Variants in GTF3C5 observed in about 807,000 individuals in gnomAD.
The protein encoded by GTF3C5 is general transcription factor 3C polypeptide 5.
A neutral mutation model predicts 61.0 loss-of-function variants in GTF3C5; 47 were observed. The observed-to-expected ratio is 0.77, with a 90% CI of 0.61 to 0.98. GTF3C5 has a LOEUF of 0.98. Ranked by LOEUF, GTF3C5 falls within the 50% of genes least tolerant of loss-of-function variation. The probability of loss-of-function intolerance (pLI) is 0.00; values close to 1 mark genes in which losing one functional copy is unlikely to be tolerated. For missense variants in GTF3C5, 659 were observed against 703.3 expected (o/e 0.94, Z 0.71); for synonymous variants, 295 against 275.4 (o/e 1.07, Z -0.71).
intron 3 of GTF3C5, among the ~76,000 whole-genome samples, chr9:133,050,297 G>A (rs547999517): frequency 3.9e-5 from 6 of 152,340 alleles, no homozygotes; most frequent in South Asian, 2.1e-4. Context: ...TAAGTGAATC[G>A]CATGTAAGCA....
At position 133,054,758 on chromosome 9, in the gene GTF3C5, G is replaced by A. The variant is rs368661195; in HGVS notation, c.1116G>A (p.Pro372=). 26 of 1,584,914 alleles carry A rather than the reference G, an allele frequency of 1.6e-5. No individual in the cohort carries two copies. The highest frequency in any genetic ancestry group is 2.7e-5 in the African/African-American group (2 of 74,520). Residue 372 remains proline, a synonymous_variant, in exon 8 of 11, where the codon CCG becomes CCA. Coordinates refer to ENST00000372097, the MANE Select transcript of GTF3C5 (RefSeq NM_012087.4). Reference sequence around the variant, plus strand: ...ATGACCTGAAGCAGGGCCTGGGCCCGTCGGGGACGAGTGGTGCTCGGAAAC... The same window carrying A: ...ATGACCTGAAGCAGGGCCTGGGCCCATCGGGGACGAGTGGTGCTCGGAAAC... ...TMHDLKQGLG[P]SGTSGARKPA...
chr9:133,043,645 C>T, intron 2 of GTF3C5, 83 bp from the exon 3 acceptor site: 1 of 1,122,660 alleles, frequency 8.9e-7, no homozygotes. Context: ...CTCAGCACCT[C>T]CCTAAGCAGA....
intron 5 of GTF3C5, 107 bp from the exon 6 acceptor site, chr9:133,053,721 C>G (rs1372714026): frequency 1.5e-6 from 1 of 651,462 alleles, no homozygotes; most frequent in Non-Finnish European, 2.6e-6. Flanking sequence ...CATCCAGAGC[C>G]CTGTCCCCAG....
At chr9:133,044,243 C>A in intron 3 of GTF3C5, 1 of 370,124 alleles carries the variant, frequency 2.7e-6, no homozygotes, top group Non-Finnish European at 5.0e-6. Flanking sequence ...CAGTTCTCAG[C>A]ACAGGGCTGA....
chr9:133,044,615 A>C (rs1850148045), intron 3 of GTF3C5, among the ~76,000 whole-genome samples: 2 of 151,744 alleles, frequency 1.3e-5, no homozygotes, highest in Non-Finnish European at 2.9e-5. Flanking sequence ...CCTTGGTCCT[A>C]CTTCACCCCA....
Position 133,056,092 on chromosome 9 carries a change from A to G in GTF3C5, c.1248A>G (p.Glu416=), listed in dbSNP as rs200715096. Reference sequence around the variant, plus strand: ...ACCAGTTATGCGACTTGAATGTGGAAGAGTACGTATGGGAGGGGCCCTGAG... The same window carrying G: ...ACCAGTTATGCGACTTGAATGTGGAGGAGTACGTATGGGAGGGGCCCTGAG... ...MFYQLCDLNV[E]ELQKIIHRND... is the part of the protein sequence containing the mutation. Residue 416 remains glutamate, a splice_region_variant and synonymous_variant, in exon 9 of 11, where the codon GAA becomes GAG. Transcript: ENST00000372097. The G allele has an allele frequency of 6.3e-5, 101 of 1,613,780 alleles. 1 individual carries two copies. The Middle Eastern group carries it at 1.5e-3, about 24-fold the overall frequency.
intron 1 of GTF3C5, among the ~76,000 whole-genome samples, chr9:133,036,370 C>T (rs995656915): frequency 3.9e-4 from 59 of 152,144 alleles, no homozygotes; most frequent in Non-Finnish European, 2.6e-4. Context: ...CTTGATGAGG[C>T]GTGCTCACAA....
intron 3 of GTF3C5, among the ~76,000 whole-genome samples, chr9:133,050,525 G>A (rs1196370109): frequency 6.6e-6 from 1 of 152,182 alleles, no homozygotes; most frequent in East Asian, 1.9e-4. Flanking sequence ...GGACCTTTTG[G>A]CCTTTCCCCA....
intron 1 of GTF3C5, among the ~76,000 whole-genome samples, chr9:133,034,064 C>T (rs771938979): frequency 2.6e-5 from 4 of 152,124 alleles, no homozygotes; most frequent in African/African-American, 9.7e-5. Flanking sequence ...CTGCTCCTAA[C>T]CCGTACCGTC....
intron 7 of GTF3C5, 48 bp from the exon 8 acceptor site, chr9:133,054,664 C>T (rs1356039520): frequency 4.0e-6 from 6 of 1,498,088 alleles, no homozygotes; most frequent in Non-Finnish European, 4.5e-6. Context: ...GGAGAGACAC[C>T]TCCTCCCCAC....
In GTF3C5 at chr9:133,058,024, C is replaced by G. The variant is rs373307131; in HGVS notation, c.*44C>G. The G allele has an allele frequency of 1.2e-6, 2 of 1,610,076 alleles. No individual in the cohort carries two copies. The highest frequency in any genetic ancestry group is 1.7e-6 in the Non-Finnish European group (2 of 1,178,518). ...CTCCCTGACCCGGCCAGACTGGTGTCTGGCCTAATGAGGGAGCCGGGGCTC... is the reference window on the plus strand; with the variant it reads ...CTCCCTGACCCGGCCAGACTGGTGTGTGGCCTAATGAGGGAGCCGGGGCTC... On this transcript the variant is annotated 3_prime_UTR_variant, in exon 11 of 11. Transcript: ENST00000372097.
intron 3 of GTF3C5, 87 bp from the exon 4 acceptor site, chr9:133,050,696 G>C: frequency 1.1e-6 from 1 of 924,006 alleles, no homozygotes; most frequent in Non-Finnish European, 1.7e-6. Flanking sequence ...GGCCTTGGGG[G>C]GTTCTGGGCT....
intron 1 of GTF3C5, among the ~76,000 whole-genome samples, chr9:133,035,858 G>C (rs1428051607): frequency 6.6e-6 from 1 of 152,148 alleles, no homozygotes; most frequent in East Asian, 1.9e-4. Flanking sequence ...ATTCCTTGTG[G>C]GCAAGGTCTT....
At chr9:133,056,283 G>T (rs750028569) in intron 9 of GTF3C5, among the ~76,000 whole-genome samples, 189 bp downstream of exon 9, 1 of 152,200 alleles carries the variant, frequency 6.6e-6, no homozygotes, top group Non-Finnish European at 1.5e-5. Context: ...CCTATAGAAA[G>T]CCGTGGCTCC....
intron 3 of GTF3C5, among the ~76,000 whole-genome samples, 190 bp from the exon 4 acceptor site, chr9:133,050,593 G>A (rs535578329): frequency 6.6e-6 from 1 of 152,332 alleles, no homozygotes; most frequent in Admixed American, 6.5e-5. Flanking sequence ...TTGTGGCTGC[G>A]TCTCTTCCTC....
At chr9:133,054,676 C>T (rs1829875126) in intron 7 of GTF3C5, 36 bp from the exon 8 acceptor site, 1 of 1,524,314 alleles carries the variant, frequency 6.6e-7, no homozygotes, top group Non-Finnish European at 8.9e-7. Flanking sequence ...CCTCCCCACC[C>T]TGCACATTCC....
Position 133,056,761 on chromosome 9 carries a change from C to T in GTF3C5, c.1251-5C>T, listed in dbSNP as rs559816576. ...TTTATGTCCCAACCCTCTCCCCACC[C>T]CCAGGTTGCAGAAGATCATTCACCG... On this transcript the variant is annotated splice_polypyrimidine_tract_variant and splice_region_variant and intron_variant, in intron 9 of 10. Coordinates refer to ENST00000372097, the MANE Select transcript of GTF3C5 (RefSeq NM_012087.4). 5.6e-6 allele frequency: 9 copies of T among 1,594,748 alleles called. No individual in the cohort carries two copies. The highest frequency in any genetic ancestry group is 7.7e-6 in the Non-Finnish European group (9 of 1,169,972).
intron 3 of GTF3C5, chr9:133,044,225 A>G: frequency 2.4e-6 from 1 of 410,088 alleles, no homozygotes; most frequent in Non-Finnish European, 4.5e-6. Context: ...GAATTTAAAA[A>G]GTGTGTGCAG....
At chr9:133,053,590 A>G (rs764363136) in intron 5 of GTF3C5, among the ~76,000 whole-genome samples, 1 of 152,174 alleles carries the variant, frequency 6.6e-6, no homozygotes, top group Non-Finnish European at 1.5e-5. Context: ...TCCCCCAAAA[A>G]ACAAAAACCC....
Sources: gnomAD v4.1 joint callset for allele counts (sites outside exome capture counted in the v4.1 genomes callset) on GRCh38, gnomAD v4.1.1 for gene constraint, MANE v1.5 for transcripts, NCBI Gene and HGNC (gene_info 2026-07-23, HGNC 2026-07-21) for gene names.